Variants in GLI3 observed in about 807,000 individuals in gnomAD.
GLI3 encodes transcription activator GLI3.
A neutral mutation model predicts 100.8 loss-of-function variants in GLI3; 20 were observed. The observed-to-expected ratio is 0.20, with a 90% confidence interval of 0.14 to 0.29. The LOEUF is 0.29. Ranked by LOEUF, GLI3 falls within the 10% of genes least tolerant of loss-of-function variation. The pLI is 1.00. For missense variants in GLI3, 2,040 were observed against 2,128.5 expected (o/e 0.96, Z 0.82); for synonymous variants, 938 against 860.5 (o/e 1.09, Z -1.58).
intron 3 of GLI3, among the ~76,000 whole-genome samples, chr7:42,137,160 T>C (rs1489804159): frequency 6.6e-6 from 1 of 152,160 alleles, no homozygotes; most frequent in Non-Finnish European, 1.5e-5. Flanking sequence ...GCCCATGGCA[T>C]AACATTGTGG....
At chr7:42,048,426 G>A (rs761299696) in intron 5 of GLI3, 65 bp downstream of exon 5, 84 of 1,069,992 alleles carry the variant, frequency 7.9e-5, no homozygotes, top group South Asian at 4.4e-4. Context: ...CTTTATACAC[G>A]TCCCGAGTGA....
At chr7:41,989,054 T>C (rs1462742937) in intron 10 of GLI3, among the ~76,000 whole-genome samples, 2 of 152,224 alleles carry the variant, frequency 1.3e-5, no homozygotes, top group African/African-American at 2.4e-5. Flanking sequence ...TTTAATTTTA[T>C]ACCATATCCT....
At position 41,972,330 on chromosome 7, in the gene GLI3, G is replaced by T; in HGVS notation, c.2103+7C>A. 1.2e-6 allele frequency: 2 copies of T among 1,612,850 alleles called. No homozygotes were observed. The highest frequency in any genetic ancestry group is 2.2e-5 in the South Asian group (2 of 91,030). On this transcript the variant is annotated splice_region_variant and intron_variant, in intron 13 of 14. Transcript: ENST00000395925. This position sits in a 1 kb window ranked among gnomAD's most constrained non-coding sequence, Gnocchi z 4.4. ...CTGTGAAGTCAGAAGGAGAGTGAATGACATACCATTGGCTTCTCTGCCTTG... is the reference window on the plus strand; with the variant it reads ...CTGTGAAGTCAGAAGGAGAGTGAATTACATACCATTGGCTTCTCTGCCTTG...
chr7:42,110,483 T>C (rs987097472), intron 3 of GLI3, among the ~76,000 whole-genome samples: 2 of 152,182 alleles, frequency 1.3e-5, no homozygotes, highest in African/African-American at 4.8e-5. Flanking sequence ...TATTTCCACA[T>C]ACAATCACCT....
intron 3 of GLI3, among the ~76,000 whole-genome samples, chr7:42,079,118 G>A (rs1189836900): frequency 2.2e-4 from 33 of 152,272 alleles, no homozygotes; most frequent in Non-Finnish European, 1.2e-4. Flanking sequence ...ATGAAAGGGT[G>A]TAGGTATTAT....
intron 1 of GLI3, among the ~76,000 whole-genome samples, chr7:42,246,971 C>G (rs913816839): frequency 6.6e-6 from 1 of 152,070 alleles, no homozygotes; most frequent in Non-Finnish European, 1.5e-5. Flanking sequence ...TCTGTAATCA[C>G]AGCCTTTGAA....
At chr7:42,193,424 T>A (rs1562780748) in intron 2 of GLI3, among the ~76,000 whole-genome samples, 3 of 151,702 alleles carry the variant, frequency 2.0e-5, no homozygotes, top group Admixed American at 1.3e-4. Context: ...CTGCCTGAGC[T>A]CGGAAGGACA....
chr7:42,127,369 A>G (rs1442294815), intron 3 of GLI3, among the ~76,000 whole-genome samples: 1 of 152,212 alleles, frequency 6.6e-6, no homozygotes, highest in Non-Finnish European at 1.5e-5. Context: ...CATGTACTTC[A>G]TGTGAGGTGG....
At chr7:41,993,676 G>GAGGAATGTGTTATT (rs1450063132) in intron 10 of GLI3, among the ~76,000 whole-genome samples, 8 of 152,200 alleles carry the variant, frequency 5.3e-5, no homozygotes, top group Non-Finnish European at 8.8e-5. Flanking sequence ...ATACTTGCTG[G>GAGGAATGTGTTATT]AGGAATGTGT....
intron 10 of GLI3, among the ~76,000 whole-genome samples, chr7:42,014,519 C>A (rs1261115319): frequency 6.6e-6 from 1 of 152,200 alleles, no homozygotes; most frequent in Non-Finnish European, 1.5e-5. Context: ...CTTCTTCCTG[C>A]TGTCTTCTCC....
At chr7:41,987,035 T>G (rs888269420) in intron 10 of GLI3, among the ~76,000 whole-genome samples, 2 of 151,616 alleles carry the variant, frequency 1.3e-5, no homozygotes, top group African/African-American at 4.8e-5. Flanking sequence ...CAAGTGTTTT[T>G]CCATGGAAGC....
chr7:42,102,122 T>C (rs901807686), intron 3 of GLI3, among the ~76,000 whole-genome samples: 3 of 151,998 alleles, frequency 2.0e-5, no homozygotes, highest in African/African-American at 7.3e-5. Flanking sequence ...TCTTTGCTAT[T>C]GTGAATAATG....
intron 2 of GLI3, among the ~76,000 whole-genome samples, chr7:42,155,596 A>T (rs143817812): frequency 6.6e-6 from 1 of 152,190 alleles, no homozygotes; most frequent in Non-Finnish European, 1.5e-5. Flanking sequence ...CATTTGCTCC[A>T]AAGAGCAGCA....
At chr7:42,092,472 A>G (rs956039841) in intron 3 of GLI3, among the ~76,000 whole-genome samples, 1 of 152,192 alleles carries the variant, frequency 6.6e-6, no homozygotes, top group African/African-American at 2.4e-5. Flanking sequence ...AAGTGGAGAC[A>G]ACGCTGTTCC....
chr7:42,245,663 A>T (rs1457422261), intron 1 of GLI3, among the ~76,000 whole-genome samples: 4 of 152,130 alleles, frequency 2.6e-5, no homozygotes, highest in Non-Finnish European at 5.9e-5. Flanking sequence ...CCTGGGTGAC[A>T]GAGCAAGACT....
At chr7:42,053,292 C>T (rs1012265033) in intron 4 of GLI3, among the ~76,000 whole-genome samples, 2 of 152,140 alleles carry the variant, frequency 1.3e-5, no homozygotes, top group African/African-American at 2.4e-5. Flanking sequence ...CCATGGCTCC[C>T]GGCCCAATTA....
chr7:41,981,649 C>T (rs1787671345), intron 10 of GLI3, among the ~76,000 whole-genome samples: 1 of 152,248 alleles, frequency 6.6e-6, no homozygotes, highest in South Asian at 2.1e-4. Flanking sequence ...GGCAAACAGC[C>T]TGCCAGTTCC....
At chr7:42,116,141 C>G (rs1785849126) in intron 3 of GLI3, among the ~76,000 whole-genome samples, 1 of 152,062 alleles carries the variant, frequency 6.6e-6, no homozygotes, top group Non-Finnish European at 1.5e-5. Flanking sequence ...CAGAAGCCAC[C>G]AGGTCCCAAA....
At chr7:42,130,695 C>T (rs1786254417) in intron 3 of GLI3, among the ~76,000 whole-genome samples, 2 of 152,048 alleles carry the variant, frequency 1.3e-5, no homozygotes, top group South Asian at 4.1e-4. Context: ...AAAGAGAAAA[C>T]ACAGCAGATA....
Sources: gnomAD v4.1 joint callset for allele counts (sites outside exome capture counted in the v4.1 genomes callset) on GRCh38, gnomAD v4.1.1 for gene constraint, Gnocchi (gnomAD v3.1) non-coding constraint, MANE v1.5 for transcripts, NCBI Gene and HGNC (gene_info 2026-07-23, HGNC 2026-07-21) for gene names.